Variants in GPATCH8 observed in about 807,000 individuals in gnomAD.
GPATCH8 encodes the protein G-patch domain containing 8, also known as G patch domain-containing protein 8.
A neutral mutation model predicts 118.3 loss-of-function variants in GPATCH8; 18 were observed. That is an observed-to-expected ratio of 0.15 (90% CI 0.11 to 0.23). The LOEUF (loss-of-function observed/expected upper bound fraction) is 0.23, where lower values mean the gene tolerates loss of function less well. Among genes scored for constraint, GPATCH8 ranks in the 10% least tolerant of loss-of-function variants. GPATCH8 has a pLI of 1.00. For synonymous variants in GPATCH8, 659 were observed against 684.7 expected, an observed-to-expected ratio of 0.96 and a Z score of 0.59; for missense variants, 1,631 against 1,873.8, an observed-to-expected ratio of 0.87 and a Z score of 2.39.
chr17:44,448,005 G>T (rs1009569133), intron 3 of GPATCH8, among the ~76,000 whole-genome samples: 1 of 151,998 alleles, frequency 6.6e-6, no homozygotes, highest in Non-Finnish European at 1.5e-5. Context: ...GTACAGTGGC[G>T]TGATCTCAGC....
intron 2 of GPATCH8, among the ~76,000 whole-genome samples, chr17:44,468,215 C>T (rs1045489792): frequency 6.6e-5 from 10 of 151,966 alleles, no homozygotes; most frequent in African/African-American, 2.4e-4. Context: ...TCAAGTGATC[C>T]GCCTGCCTTG....
chr17:44,457,719 A>G (rs2051387044), intron 3 of GPATCH8, among the ~76,000 whole-genome samples: 1 of 152,166 alleles, frequency 6.6e-6, no homozygotes, highest in African/African-American at 2.4e-5. Flanking sequence ...GGATCACATG[A>G]GCCCAGGAGT....
Position 44,400,856 on chromosome 17 carries a change from A to T in GPATCH8, c.1221T>A (p.Asn407Lys), listed in dbSNP as rs200331167. The T allele has an allele frequency of 3.7e-6, 6 of 1,614,070 alleles. No individual in the cohort carries two copies. The highest frequency in any genetic ancestry group is 4.2e-6 in the Non-Finnish European group (5 of 1,179,898). ...IPPAHCKVKPNFPFLLFMRAS... is the reference protein window; with the variant it reads ...IPPAHCKVKPKFPFLLFMRAS... ...CTCTCATAAAAAGTAGAAAGGGAAAATTAGGTTTTACTTTGCAGTGTGCTG... is the reference window on the plus strand; with the variant it reads ...CTCTCATAAAAAGTAGAAAGGGAAATTTAGGTTTTACTTTGCAGTGTGCTG... The change falls in exon 8 of 8, where the codon AAT (asparagine) becomes AAA (lysine). Residue 407 changes from asparagine (N) to lysine (K), a missense_variant. Asn to Lys is a moderately conservative substitution (Grantham distance 94). Around this residue, in one of 8 missense-constraint regions of GPATCH8, gnomAD observed 405 missense variants for 462.7 expected, o/e 0.88. Coordinates refer to ENST00000591680, the MANE Select transcript of GPATCH8 (RefSeq NM_001002909.4).
intron 1 of GPATCH8, among the ~76,000 whole-genome samples, chr17:44,476,064 G>A (rs1372000071): frequency 6.6e-6 from 1 of 152,042 alleles, no homozygotes; most frequent in African/African-American, 2.4e-5. Flanking sequence ...AGGAATCTAG[G>A]CCTAGTAATC....
intron 6 of GPATCH8, among the ~76,000 whole-genome samples, chr17:44,422,596 T>C (rs2049949631): frequency 6.6e-6 from 1 of 151,828 alleles, no homozygotes; most frequent in African/African-American, 2.4e-5. Context: ...TTCACGCCAT[T>C]CTCCTGCCTC....
At chr17:44,494,172 A>ATT in intron 1 of GPATCH8, among the ~76,000 whole-genome samples, 1 of 152,074 alleles carries the variant, frequency 6.6e-6, no homozygotes, top group Non-Finnish European at 1.5e-5. Context: ...CCACTCTAAC[A>ATT]AGTCTTAAAC....
chr17:44,397,592 T>C lies in GPATCH8; in HGVS notation c.4485A>G (p.Gln1495=), dbSNP rs752778659. Residue 1495 remains glutamine (Q), a synonymous_variant, in exon 8 of 8, where the codon CAA becomes CAG. Coordinates refer to ENST00000591680, the MANE Select transcript of GPATCH8 (RefSeq NM_001002909.4). ...CTCACGTGCCATGGCTGGGGGGATG[T>C]TGCAGGTCCTGACCTGAGAAGATGG... is the stretch of plus-strand genomic sequence containing the variant. ...LHPIFSGQDL[Q]HPPSHGT The C allele has an allele frequency of 1.5e-5, 24 of 1,613,408 alleles. No homozygotes were observed. Among genetic ancestry groups the C allele is most frequent in the Non-Finnish European group, 2.0e-5 (24 of 1,179,684 alleles).
intron 2 of GPATCH8, among the ~76,000 whole-genome samples, chr17:44,473,978 G>A (rs1056269721): frequency 1.3e-5 from 2 of 152,146 alleles, no homozygotes; most frequent in African/African-American, 4.8e-5. Flanking sequence ...TTTCTTAAGG[G>A]GAAGTGGGGG....
At chr17:44,415,985 G>T (rs2049665069) in intron 6 of GPATCH8, among the ~76,000 whole-genome samples, 1 of 152,194 alleles carries the variant, frequency 6.6e-6, no homozygotes, top group South Asian at 2.1e-4. Flanking sequence ...GCTCCCCTAA[G>T]CAGAAGGGGA....
At position 44,424,421 on chromosome 17, in the gene GPATCH8, C is replaced by G. The variant is rs762878349; in HGVS notation, c.420G>C (p.Leu140=). The G allele has an allele frequency of 6.3e-7, 1 of 1,598,166 alleles. No individual in the cohort carries two copies. Among genetic ancestry groups the G allele is most frequent in the East Asian group, 2.2e-5 (1 of 44,794 alleles). The change falls in exon 6 of 8, where the codon CTG becomes CTC. Residue 140 remains leucine (L), a synonymous_variant. Transcript: ENST00000591680. ...GATGTTTCTGATATTGCTTATCACA[C>G]AGTTCACAATAAAAGTTGGCTCTGA... ...EDLRANFYCE[L]CDKQYQKHQE... is the part of the protein sequence containing the mutation.
chr17:44,442,352 G>A (rs952904922), intron 3 of GPATCH8, among the ~76,000 whole-genome samples: 3 of 146,136 alleles, frequency 2.1e-5, no homozygotes, highest in African/African-American at 8.4e-5. Context: ...TAATGCATAA[G>A]CAGTTAAAAA....
chr17:44,428,177 G>C (rs985339301), intron 5 of GPATCH8, among the ~76,000 whole-genome samples: 2 of 151,836 alleles, frequency 1.3e-5, no homozygotes, highest in Non-Finnish European at 2.9e-5. Flanking sequence ...CAGTTACTTG[G>C]AAGGCTGGGG....
rs1365264591 is a variant in GPATCH8 at position 44,397,782 on chromosome 17, G to C, written c.4295C>G (p.Thr1432Ser). 1 of 1,583,496 alleles carries C rather than the reference G, an allele frequency of 6.3e-7. No homozygotes were observed. Among genetic ancestry groups the C allele is most frequent in the Non-Finnish European group, 8.6e-7 (1 of 1,162,438 alleles). Reference sequence around the variant, plus strand: ...GTGGATGGGATGGCTAGCGAGAAAGGTGGCAGGGTGGCCAGGGATGATTGA... The same window carrying C: ...GTGGATGGGATGGCTAGCGAGAAAGCTGGCAGGGTGGCCAGGGATGATTGA... ...THSIIPGHPA[T>S]FLASHPIHII... Residue 1432 changes from threonine to serine, a missense_variant, in exon 8 of 8, where the codon ACC becomes AGC. Around this residue, in one of 8 missense-constraint regions of GPATCH8, gnomAD observed 65 missense variants for 105.3 expected, o/e 0.62. Transcript: ENST00000591680.
At chr17:44,430,410 A>G (rs2050263558) in intron 5 of GPATCH8, among the ~76,000 whole-genome samples, 1 of 152,198 alleles carries the variant, frequency 6.6e-6, no homozygotes, top group African/African-American at 2.4e-5. Flanking sequence ...ACCATTATTA[A>G]CAGAATATAA....
rs1001072098 is a variant in GPATCH8, at chr17:44,492,161, C to T, written c.45+11165G>A. On this transcript the variant is annotated intron_variant, in intron 1 of 7. Transcript: ENST00000591680. The stretch of plus-strand genomic sequence containing the variant: ...CTAAAAATACAAAAAATTAGCCAGG[C>T]GTGGTGGCGGGCACCTGTAGTCCCA... Among the ~76,000 whole-genome samples, 15 of 149,432 alleles carry T rather than the reference C, an allele frequency of 1.0e-4. No homozygotes were observed. The East Asian group carries it at 3.0e-3, about 30-fold the overall frequency.
At chr17:44,487,348 T>G (rs1369550289) in intron 1 of GPATCH8, among the ~76,000 whole-genome samples, 1 of 152,236 alleles carries the variant, frequency 6.6e-6, no homozygotes, top group African/African-American at 2.4e-5. Flanking sequence ...TCATTTCTTT[T>G]TAGGGCTGAA....
chr17:44,426,107 A>G (rs1419556269), intron 5 of GPATCH8, among the ~76,000 whole-genome samples: 1 of 152,230 alleles, frequency 6.6e-6, no homozygotes, highest in East Asian at 1.9e-4. Flanking sequence ...TGGCAATTTC[A>G]GAAAATGGCA....
In GPATCH8 at chr17:44,398,530, C is replaced by A; in HGVS notation, c.3547G>T (p.Gly1183Trp). 1 of 1,593,810 alleles carries A rather than the reference C, an allele frequency of 6.3e-7. No homozygotes were observed. Among genetic ancestry groups the A allele is most frequent in the South Asian group, 1.1e-5 (1 of 87,216 alleles). ...TGCCCAAATAGGGCATCACTACTCCCTGGGGGCCCCTCTTCTGTCTCTGAC... is the reference window on the plus strand; with the variant it reads ...TGCCCAAATAGGGCATCACTACTCCATGGGGGCCCCTCTTCTGTCTCTGAC... The part of the protein sequence containing the change: ...EQSETEEGPP[G>W]SSDALFGHQF... The change falls in exon 8 of 8, where the codon GGG becomes TGG. Residue 1183 changes from glycine to tryptophan, a missense_variant. Gly to Trp is a radical substitution (Grantham distance 184, BLOSUM62 -2). This residue lies in a region of GPATCH8 where 922 missense variants were observed against 879.7 expected (regional missense o/e 1.05). Transcript: ENST00000591680.
chr17:44,418,951 T>C (rs1323273057), intron 6 of GPATCH8, among the ~76,000 whole-genome samples: 2 of 152,224 alleles, frequency 1.3e-5, no homozygotes, highest in Admixed American at 6.5e-5. Flanking sequence ...TCTCTGAAGA[T>C]CAAGCTGGGT....
Sources: allele counts gnomAD v4.1 joint callset (sites outside exome capture counted in the v4.1 genomes callset), GRCh38; gene constraint gnomAD v4.1.1; regional missense constraint gnomAD v4.1.1; transcripts MANE v1.5; gene names NCBI Gene and HGNC (gene_info 2026-07-23, HGNC 2026-07-21).